The following CAMK2B variants were observed in gnomAD, a reference collection of about 807,000 sequenced individuals.
The protein encoded by CAMK2B is calcium/calmodulin-dependent protein kinase type II subunit beta.
In CAMK2B, 27 loss-of-function variants were observed where a neutral mutation model predicts 93.7. The observed-to-expected ratio is 0.29, with a 90% CI of 0.21 to 0.40. CAMK2B has a LOEUF of 0.40. Among genes scored for constraint, CAMK2B ranks in the 10% least tolerant of loss-of-function variants. CAMK2B has a pLI of 1.00. For synonymous variants in CAMK2B, 374 were observed against 358.8 expected (o/e 1.04, Z -0.48); for missense variants, 568 against 895.8 (o/e 0.63, Z 4.67).
intron 1 of CAMK2B, among the ~76,000 whole-genome samples, chr7:44,307,153 G>A (rs1792042981): frequency 7.3e-6 from 1 of 136,638 alleles, no homozygotes; most frequent in Non-Finnish European, 1.6e-5. Context: ...GTGAGCAGAG[G>A]GAGGAGGGTG....
chr7:44,284,114 C>T lies in CAMK2B; in HGVS notation c.160+17G>A, dbSNP rs747160886. 1.3e-6 allele frequency: 2 copies of T among 1,589,698 alleles called. No homozygotes were observed. Among genetic ancestry groups the T allele is most frequent in the Non-Finnish European group, 1.7e-6 (2 of 1,158,338 alleles). The stretch of plus-strand genomic sequence containing the variant: ...CCAGCCTGACAGCAGCTGCGCAGGA[C>T]ACTCCCCATGCCCTACCTCTGGCTG... On this transcript the variant is annotated intron_variant, in intron 2 of 23. Coordinates refer to ENST00000395749, the MANE Select transcript of CAMK2B (RefSeq NM_001220.5).
intron 5 of CAMK2B, among the ~76,000 whole-genome samples, chr7:44,251,361 C>G (rs939131183): frequency 6.6e-6 from 1 of 151,524 alleles, no homozygotes; most frequent in Non-Finnish European, 1.5e-5. Flanking sequence ...GACTCTCCAC[C>G]GAGCTCCACT....
intron 1 of CAMK2B, among the ~76,000 whole-genome samples, chr7:44,323,417 G>A (rs954171277): frequency 3.3e-5 from 5 of 152,224 alleles, no homozygotes; most frequent in African/African-American, 1.2e-4. Flanking sequence ...GCCCCACCTG[G>A]TCTCCACCTC....
intron 1 of CAMK2B, 107 bp from the exon 2 acceptor site, chr7:44,284,332 ACCGGC>A (rs1217556439): frequency 3.7e-6 from 3 of 816,410 alleles, no homozygotes; most frequent in Middle Eastern, 2.6e-4. Flanking sequence ...GCATTCAGCC[ACCGGC>A]CCGGCCTCGG....
chr7:44,267,414 T>C (rs2096930153), intron 2 of CAMK2B, among the ~76,000 whole-genome samples: 1 of 152,202 alleles, frequency 6.6e-6, no homozygotes, highest in Non-Finnish European at 1.5e-5. Context: ...CTACTCATGC[T>C]GGAAAAAGAC....
intron 2 of CAMK2B, among the ~76,000 whole-genome samples, chr7:44,277,330 T>C: frequency 6.6e-6 from 1 of 152,214 alleles, no homozygotes; most frequent in East Asian, 1.9e-4. Flanking sequence ...ACTTTGAATG[T>C]CTCACAATCC....
chr7:44,226,214 C>T (rs1320105596), intron 20 of CAMK2B, among the ~76,000 whole-genome samples: 2 of 152,218 alleles, frequency 1.3e-5, no homozygotes, highest in Non-Finnish European at 2.9e-5. Context: ...ACCCATTCCC[C>T]TCCCATCAGG....
intron 8 of CAMK2B, among the ~76,000 whole-genome samples, chr7:44,242,858 T>G (rs1257341598): frequency 1.3e-5 from 2 of 152,028 alleles, no homozygotes; most frequent in Admixed American, 1.3e-4. Flanking sequence ...ACCCACACTA[T>G]CACAGGGATG....
In CAMK2B at chr7:44,220,771, C is replaced by A. The variant is rs747897694; in HGVS notation, c.1673+55G>T. 376 of 1,563,448 alleles carry A rather than the reference C, an allele frequency of 2.4e-4. 1 individual carries two copies. Among genetic ancestry groups the A allele is most frequent in the Non-Finnish European group, 2.9e-4 (338 of 1,152,362 alleles). ...GACCCCTGACTCTGAGCAGGCCCCC[C>A]CAAGGGTCCCACATCCTTGTCCTGC... is the stretch of plus-strand genomic sequence containing the variant. On this transcript the variant is annotated intron_variant, in intron 21 of 23. Coordinates refer to ENST00000395749, the MANE Select transcript of CAMK2B (RefSeq NM_001220.5).
At chr7:44,231,618 G>A (rs879290644) in intron 16 of CAMK2B, among the ~76,000 whole-genome samples, 1 of 152,356 alleles carries the variant, frequency 6.6e-6, no homozygotes, top group Non-Finnish European at 1.5e-5. Context: ...CTGCAGATCC[G>A]CACAGGGCTC....
At chr7:44,240,430 A>G (rs2096667178) in intron 12 of CAMK2B, among the ~76,000 whole-genome samples, 1 of 152,256 alleles carries the variant, frequency 6.6e-6, no homozygotes, top group Non-Finnish European at 1.5e-5. Context: ...CGATGCTGTG[A>G]GCCCCAGTGG....
intron 1 of CAMK2B, among the ~76,000 whole-genome samples, chr7:44,300,484 GA>G (rs897552713): frequency 5.6e-4 from 77 of 137,262 alleles, no homozygotes; most frequent in Admixed American, 1.4e-3. Context: ...ATTGATATCA[GA>G]AAAAAAAAAA....
intron 1 of CAMK2B, among the ~76,000 whole-genome samples, chr7:44,288,643 C>T (rs1785809200): frequency 6.6e-6 from 1 of 152,170 alleles, no homozygotes; most frequent in African/African-American, 2.4e-5. Context: ...CTAATTAAAA[C>T]AAGAAAATAC....
At chr7:44,295,522 G>A (rs1268461278) in intron 1 of CAMK2B, among the ~76,000 whole-genome samples, 1 of 152,164 alleles carries the variant, frequency 6.6e-6, no homozygotes, top group African/African-American at 2.4e-5. Context: ...TGTAATTGCC[G>A]AATTGCCAGA....
intron 8 of CAMK2B, 76 bp downstream of exon 8, chr7:44,243,174 G>A: frequency 2.7e-6 from 3 of 1,114,746 alleles, no homozygotes; most frequent in Admixed American, 1.9e-5. Context: ...GCTGGCCACT[G>A]CACACTCCAG....
At chr7:44,247,016 C>T in intron 6 of CAMK2B, 104 bp downstream of exon 6, 1 of 886,232 alleles carries the variant, frequency 1.1e-6, no homozygotes, top group Non-Finnish European at 1.8e-6. Context: ...CTCACCCCTC[C>T]AAGCTCCACA....
chr7:44,318,420 G>C (rs572398070), intron 1 of CAMK2B, among the ~76,000 whole-genome samples: 108 of 152,344 alleles, frequency 7.1e-4, no homozygotes, highest in African/African-American at 2.5e-3. Flanking sequence ...AGCAGTCCCA[G>C]GTGCAAGGCC....
At chr7:44,256,737 C>T (rs1044771891) in intron 4 of CAMK2B, among the ~76,000 whole-genome samples, 3 of 152,342 alleles carry the variant, frequency 2.0e-5, no homozygotes, top group Non-Finnish European at 2.9e-5. Context: ...AGCCCAGAGT[C>T]GCTCCAAGGG....
intron 4 of CAMK2B, 106 bp downstream of exon 4, chr7:44,258,766 C>T (rs1200566122): frequency 3.9e-6 from 4 of 1,017,562 alleles, no homozygotes; most frequent in Admixed American, 3.9e-5. Context: ...AGGGAGTGGC[C>T]AGCCCACGGG....
Sources: allele counts gnomAD v4.1 joint callset (sites outside exome capture counted in the v4.1 genomes callset), GRCh38; gene constraint gnomAD v4.1.1; transcripts MANE v1.5; gene names NCBI Gene and HGNC (gene_info 2026-07-23, HGNC 2026-07-21).